The following ARSG variants were observed in gnomAD, a reference collection of about 807,000 sequenced individuals.
ARSG encodes the protein ASG.
Under a neutral mutation model 50.5 loss-of-function variants are expected in ARSG, and 37 were observed. The observed-to-expected ratio is 0.73, with a 90% confidence interval of 0.56 to 0.96. ARSG has a LOEUF of 0.96. Ranked by LOEUF, ARSG falls within the 50% of genes least tolerant of loss-of-function variation. The pLI is 0.00. For synonymous variants in ARSG, 225 were observed against 254.6 expected, an observed-to-expected ratio of 0.88 and a Z score of 1.11; for missense variants, 629 against 675.3, an observed-to-expected ratio of 0.93 and a Z score of 0.76.
chr17:68,444,080 C>G, the ARSG span, among the ~76,000 whole-genome samples: 1 of 152,188 alleles, frequency 6.6e-6, no homozygotes, highest in Admixed American at 6.5e-5. Context: ...TTCAGATTGT[C>G]TTTTTGCTGG....
intron 10 of ARSG, among the ~76,000 whole-genome samples, chr17:68,397,548 A>C (rs6501429): frequency 1.3e-4 from 19 of 151,974 alleles, no homozygotes; most frequent in African/African-American, 3.9e-4. Flanking sequence ...AAAGTCATAG[A>C]CCTAAGGAAA....
chr17:68,324,504 A>AAAGGGCAT (rs1456467602), intron 2 of ARSG, among the ~76,000 whole-genome samples: 1 of 152,158 alleles, frequency 6.6e-6, no homozygotes, highest in Non-Finnish European at 1.5e-5. Flanking sequence ...GCTGTAGTGG[A>AAAGGGCAT]AAGGGCATAG....
At chr17:68,421,240 T>C (rs965101079), downstream of ARSG, 2 of 149,272 alleles carry the variant, frequency 1.3e-5, no homozygotes, top group Non-Finnish European at 3.0e-5. Context: ...CTGTCCCCTA[T>C]AACCACAAGG....
At position 68,357,569 on chromosome 17, in the gene ARSG, C is replaced by T. The variant is rs545080548; in HGVS notation, c.704+765C>T. On this transcript the variant is annotated intron_variant, in intron 6 of 11. Transcript: ENST00000621439. ...CTGAAAACTCTCTTTTGCCATATACCGTAACATTCACAGATTCCAGGAATT... is the reference window on the plus strand; with the variant it reads ...CTGAAAACTCTCTTTTGCCATATACTGTAACATTCACAGATTCCAGGAATT... Among the ~76,000 whole-genome samples, 5 of 152,278 alleles carry T rather than the reference C, an allele frequency of 3.3e-5. No homozygotes were observed. In the East Asian group the frequency reaches 9.6e-4, roughly 29 times the overall value.
chr17:68,312,838 G>A (rs2070323997), intron 2 of ARSG, among the ~76,000 whole-genome samples: 1 of 152,168 alleles, frequency 6.6e-6, no homozygotes, highest in South Asian at 2.1e-4. Context: ...TTGCCCAACA[G>A]GGTCTGGGGT....
intron 2 of ARSG, among the ~76,000 whole-genome samples, chr17:68,314,319 G>A (rs2076985011): frequency 6.6e-6 from 1 of 152,000 alleles, no homozygotes; most frequent in Non-Finnish European, 1.5e-5. Context: ...CTGAGGTCAG[G>A]AGTTTGAGAC....
chr17:68,292,146 C>CCGGCAGCAG (rs1453832058), intron 1 of ARSG, among the ~76,000 whole-genome samples: 2 of 152,046 alleles, frequency 1.3e-5, no homozygotes, highest in African/African-American at 4.8e-5. Flanking sequence ...CTTTGCTGCA[C>CCGGCAGCAG]CGGCAGCAGC....
At chr17:68,327,530 G>A (rs2077555023) in intron 2 of ARSG, among the ~76,000 whole-genome samples, 1 of 152,056 alleles carries the variant, frequency 6.6e-6, no homozygotes. Context: ...CCCTCTGTGT[G>A]TCTCTGTGTC....
At chr17:68,408,684 C>G (rs2147318360) in intron 11 of ARSG, among the ~76,000 whole-genome samples, 1 of 152,152 alleles carries the variant, frequency 6.6e-6, no homozygotes, top group South Asian at 2.1e-4. Flanking sequence ...GTTCTAGATC[C>G]CTGAGGAATC....
intron 4 of ARSG, among the ~76,000 whole-genome samples, chr17:68,347,544 A>T (rs953592287): frequency 5.3e-5 from 8 of 152,164 alleles, no homozygotes; most frequent in African/African-American, 1.9e-4. Flanking sequence ...GAAGCAGGAA[A>T]CCTGGCCATA....
At chr17:68,358,217 A>G (rs2079120781) in intron 6 of ARSG, among the ~76,000 whole-genome samples, 1 of 151,822 alleles carries the variant, frequency 6.6e-6, no homozygotes, top group Admixed American at 6.6e-5. Flanking sequence ...AAAATATAAA[A>G]TGAAAAATAA....
rs781877065 is a variant in ARSG, at chr17:68,274,050, T to A, written c.-552+14624T>A. On this transcript the variant is annotated intron_variant, in intron 1 of 11. Transcript: ENST00000448504. ...ACCAGACGGTGTCCGAAACGATTGC[T>A]CAGGACTGTGGCGAGGGGAGCTGCC... 20 of 1,614,036 alleles carry A rather than the reference T, an allele frequency of 1.2e-5. No homozygotes were observed. In the South Asian group the frequency reaches 2.1e-4, roughly 17 times the overall value.
At chr17:68,337,257 G>C (rs1195902700) in intron 2 of ARSG, among the ~76,000 whole-genome samples, 1 of 152,202 alleles carries the variant, frequency 6.6e-6, no homozygotes, top group African/African-American at 2.4e-5. Context: ...GGGAGCGAAG[G>C]TGGTCCCCAC....
At chr17:68,295,544 C>G (rs2076172463) in intron 1 of ARSG, among the ~76,000 whole-genome samples, 5 of 151,868 alleles carry the variant, frequency 3.3e-5, no homozygotes, top group Admixed American at 3.3e-4. Flanking sequence ...TGCAAAAGTC[C>G]TAGAAAACAA....
chr17:68,438,706 T>C, the ARSG span, among the ~76,000 whole-genome samples: 2 of 152,240 alleles, frequency 1.3e-5, no homozygotes, highest in South Asian at 4.1e-4. Context: ...GTTCAAGCGA[T>C]TCTCCTGTCT....
upstream of ARSG, among the ~76,000 whole-genome samples, chr17:68,288,828 C>T (rs2075901397): frequency 6.6e-6 from 1 of 152,170 alleles, no homozygotes; most frequent in South Asian, 2.1e-4. Flanking sequence ...GTTATGGAAA[C>T]CACAGAATCC....
upstream of ARSG, among the ~76,000 whole-genome samples, chr17:68,289,435 A>G (rs2075916623): frequency 6.6e-6 from 1 of 152,194 alleles, no homozygotes; most frequent in Non-Finnish European, 1.5e-5. Flanking sequence ...TCAGAGTGTT[A>G]TTCCAGGGTC....
the ARSG span, among the ~76,000 whole-genome samples, chr17:68,449,605 G>C: frequency 1.3e-5 from 2 of 152,144 alleles, no homozygotes; most frequent in South Asian, 4.1e-4. Flanking sequence ...TTGTTTAATA[G>C]TGGGTAGTAC....
chr17:68,274,780 CTTTCT>C (rs1470702330), intron 1 of ARSG, among the ~76,000 whole-genome samples: 2,349 of 55,524 alleles, frequency 0.042, 27 homozygotes, highest in South Asian at 0.15. Context: ...TAGTTAGTTT[CTTTCT>C]TTTTTTTTTT....
Sources: allele counts gnomAD v4.1 joint callset (sites outside exome capture counted in the v4.1 genomes callset), GRCh38; gene constraint gnomAD v4.1.1; transcripts MANE v1.5; gene names NCBI Gene and HGNC (gene_info 2026-07-23, HGNC 2026-07-21).